FYN: variants seen among roughly 807,000 people sequenced by gnomAD.
The protein encoded by FYN is FYN proto-oncogene, Src family tyrosine kinase, also known as tyrosine-protein kinase Fyn.
Under a neutral mutation model 70.2 loss-of-function variants are expected in FYN, and 10 were observed. That is an observed-to-expected ratio of 0.14 (90% CI 0.09 to 0.24). The LOEUF (loss-of-function observed/expected upper bound fraction) is 0.24, where lower values mean the gene tolerates loss of function less well. FYN is among the 10% of genes least tolerant of loss of function. The probability of loss-of-function intolerance (pLI) is 1.00; values close to 1 mark genes in which losing one functional copy is unlikely to be tolerated. For missense variants in FYN, 319 were observed against 673.1 expected (o/e 0.47, Z 5.82); for synonymous variants, 236 against 248.6 (o/e 0.95, Z 0.48).
chr6:111,815,338 A>G (rs1772452634), intron 2 of FYN, among the ~76,000 whole-genome samples: 1 of 152,234 alleles, frequency 6.6e-6, no homozygotes, highest in Admixed American at 6.5e-5. Flanking sequence ...TTGCATAACA[A>G]GCAGGAGATT....
At chr6:111,693,056 T>G (rs1799409618) in intron 12 of FYN, among the ~76,000 whole-genome samples, 1 of 152,226 alleles carries the variant, frequency 6.6e-6, no homozygotes, top group African/African-American at 2.4e-5. Context: ...ATAGCTGAGC[T>G]GTCTGACCGA....
intron 2 of FYN, among the ~76,000 whole-genome samples, chr6:111,831,885 C>T (rs1403918298): frequency 6.6e-6 from 1 of 152,092 alleles, no homozygotes; most frequent in African/African-American, 2.4e-5. Context: ...GATTAAATGC[C>T]TCATCACACC....
At chr6:111,733,519 T>G (rs1184167242) in intron 3 of FYN, among the ~76,000 whole-genome samples, 4 of 152,362 alleles carry the variant, frequency 2.6e-5, no homozygotes, top group African/African-American at 9.6e-5. Flanking sequence ...AGAGAAGGTC[T>G]GTAAGCAGTG....
chr6:111,820,540 G>A (rs770924612), intron 2 of FYN, among the ~76,000 whole-genome samples: 13 of 152,126 alleles, frequency 8.5e-5, no homozygotes, highest in African/African-American at 1.4e-4. Context: ...TTACTACAGC[G>A]CTTAGGATAT....
chr6:111,758,590 G>T (rs76945413), intron 3 of FYN, among the ~76,000 whole-genome samples: 1,727 of 152,336 alleles, frequency 0.011, 24 homozygotes, highest in African/African-American at 0.037. Context: ...CAAGTGTCCT[G>T]CTGATTGTTA....
intron 3 of FYN, among the ~76,000 whole-genome samples, chr6:111,750,922 T>C (rs544065223): frequency 4.6e-5 from 7 of 152,272 alleles, no homozygotes; most frequent in African/African-American, 1.7e-4. Flanking sequence ...ATGGGAGTCG[T>C]AGACATGAAT....
At chr6:111,871,903 C>T (rs565200053) in intron 1 of FYN, among the ~76,000 whole-genome samples, 7 of 152,218 alleles carry the variant, frequency 4.6e-5, no homozygotes, top group Admixed American at 4.6e-4. Context: ...ACCCGGCATC[C>T]GGGGGTTCTT....
chr6:111,831,983 G>C (rs148246702), intron 2 of FYN, among the ~76,000 whole-genome samples: 5 of 152,114 alleles, frequency 3.3e-5, no homozygotes, highest in Non-Finnish European at 7.4e-5. Context: ...GCCCCCATCC[G>C]TCACTCAGGA....
intron 3 of FYN, among the ~76,000 whole-genome samples, chr6:111,743,235 G>A (rs1201703871): frequency 1.3e-5 from 2 of 152,084 alleles, no homozygotes; most frequent in Non-Finnish European, 2.9e-5. Context: ...AAAGTGCTGG[G>A]ATTATAGGCG....
chr6:111,775,253 A>G (rs892834230), intron 3 of FYN, among the ~76,000 whole-genome samples: 1 of 152,220 alleles, frequency 6.6e-6, no homozygotes, highest in Non-Finnish European at 1.5e-5. Flanking sequence ...CTACAGATAA[A>G]AACTACAGCA....
intron 2 of FYN, among the ~76,000 whole-genome samples, chr6:111,843,046 T>A (rs1462676843): frequency 6.6e-6 from 1 of 152,256 alleles, no homozygotes; most frequent in Non-Finnish European, 1.5e-5. Context: ...GGCAGTAGTG[T>A]TTGTGGCCAT....
intron 3 of FYN, among the ~76,000 whole-genome samples, chr6:111,752,382 C>A (rs1039344638): frequency 2.0e-5 from 3 of 152,210 alleles, no homozygotes; most frequent in Admixed American, 1.3e-4. Context: ...ACAAATAATT[C>A]TATGCAAGAC....
Position 111,749,893 on chromosome 6 carries a change from G to A in FYN, c.-11-29831C>T, listed in dbSNP as rs146201794. The stretch of plus-strand genomic sequence containing the variant: ...AAATGACCTACATGATGGAAAACTC[G>A]CTTATGATGGAGACCTCTAGGAAGA... On this transcript the variant is annotated intron_variant, in intron 3 of 13. Coordinates refer to ENST00000354650, the MANE Select transcript of FYN (RefSeq NM_002037.5). Among the ~76,000 whole-genome samples, 345 of 151,944 alleles carry A rather than the reference G, an allele frequency of 2.3e-3. 1 individual carries two copies. Among genetic ancestry groups the A allele is most frequent in the African/African-American group, 8.0e-3 (330 of 41,446 alleles).
intron 3 of FYN, among the ~76,000 whole-genome samples, chr6:111,761,729 C>T (rs1803015084): frequency 6.6e-6 from 1 of 152,116 alleles, no homozygotes; most frequent in Non-Finnish European, 1.5e-5. Context: ...GTGGATGCTG[C>T]CATGGCAGGC....
rs2128435554 is a variant in FYN at position 111,694,166 on chromosome 6, C to A, written c.1273+209G>T. 6.6e-6 allele frequency among the ~76,000 whole-genome samples: 1 copy of A among 152,232 alleles called. No individual in the cohort carries two copies. The highest frequency in any genetic ancestry group is 2.4e-5 in the African/African-American group (1 of 41,550). On this transcript the variant is annotated intron_variant, in intron 12 of 13. Transcript: ENST00000354650. This position sits in a 1 kb window ranked among gnomAD's most constrained non-coding sequence, Gnocchi z 5.0. ...CCAATACCCACCCACCCACCAAAAA[C>A]CAATATCTCATCCCTCCACTGGGCC...
At chr6:111,725,800 T>G (rs1402252308) in intron 3 of FYN, among the ~76,000 whole-genome samples, 1 of 152,200 alleles carries the variant, frequency 6.6e-6, no homozygotes, top group African/African-American at 2.4e-5. Flanking sequence ...CCCCCAGGAC[T>G]CCTACTCCCG....
chr6:111,719,061 G>C (rs1800808600), intron 4 of FYN, among the ~76,000 whole-genome samples: 1 of 152,222 alleles, frequency 6.6e-6, no homozygotes, highest in Admixed American at 6.5e-5. Context: ...ACTGAGAGAT[G>C]CTGCATTCTT....
chr6:111,764,000 A>G (rs371583593), intron 3 of FYN, among the ~76,000 whole-genome samples: 2 of 152,270 alleles, frequency 1.3e-5, no homozygotes, highest in East Asian at 3.9e-4. Context: ...TATGCTATCT[A>G]TGAAACAAAA....
At chr6:111,777,357 C>CTTTTTTTTTTTTTTTTTTTTTTTTT (rs1562517057) in intron 3 of FYN, among the ~76,000 whole-genome samples, 1 of 152,058 alleles carries the variant, frequency 6.6e-6, no homozygotes, top group African/African-American at 2.4e-5. Flanking sequence ...AAGATATTTC[C>CTTTTTTTTTTTTTTTTTTTTTTTTT]ATTTTTAAAC....
Sources: gnomAD v4.1 joint callset for allele counts (sites outside exome capture counted in the v4.1 genomes callset) on GRCh38, gnomAD v4.1.1 for gene constraint, Gnocchi (gnomAD v3.1) non-coding constraint, MANE v1.5 for transcripts, NCBI Gene and HGNC (gene_info 2026-07-23, HGNC 2026-07-21) for gene names.